Variants in OR13A1 observed in about 807,000 individuals in gnomAD.
OR13A1 encodes the protein olfactory receptor family 13 subfamily A member 1, also known as olfactory receptor 13A1.
In OR13A1, 10 loss-of-function variants were observed where a neutral mutation model predicts 7.5. That is an observed-to-expected ratio of 1.34 (90% CI 0.83 to 2.27). The LOEUF (loss-of-function observed/expected upper bound fraction) is 2.27, where lower values mean the gene tolerates loss of function less well. OR13A1 is among the 30% of genes most tolerant of loss of function. OR13A1 has a pLI of 0.00. For missense variants in OR13A1, 509 were observed against 419.1 expected (o/e 1.21, Z -1.87); for synonymous variants, 238 against 177.9 (o/e 1.34, Z -2.69).
In OR13A1 at chr10:45,303,606, C is replaced by T. The variant is rs182157087; in HGVS notation, c.817G>A (p.Val273Ile). The T allele has an allele frequency of 3.1e-6, 5 of 1,613,712 alleles. No individual in the cohort carries two copies. The East Asian group carries it at 6.7e-5, about 22-fold the overall frequency. The change falls in exon 4 of 4, where the codon GTC becomes ATC. Residue 273 changes from valine (V) to isoleucine (I), a missense_variant. Coordinates refer to ENST00000553795, the MANE Select transcript of OR13A1 (RefSeq NM_001004297.3). ...ACCGGGCTTATGTAGGCGTAGAAGA[C>T]AGCGGTGTAATACATGCACACCACG... ...LTVVCMYYTA[V>I]FYAYISPVSG...
rs200530280 is a variant in OR13A1, at chr10:45,304,338, C to T, written c.85G>A (p.Glu29Lys). ...RMMSNQTLVT[E>K]FILQGFSEHP... ...TCCGAAAAGCCCTGCAGGATGAACT[C>T]GGTTACCAACGTCTGGTTACTCATC... The change falls in exon 4 of 4, where the codon GAG (glutamate) becomes AAG (lysine). Residue 29 changes from glutamate (E) to lysine (K), a missense_variant. Physicochemically the swap from Glu to Lys is moderately conservative, Grantham distance 56 (BLOSUM62 1). Transcript: ENST00000553795. The T allele has an allele frequency of 1.4e-5, 22 of 1,614,016 alleles. No individual in the cohort carries two copies. In the Admixed American group the frequency reaches 3.3e-4, roughly 24 times the overall value.
At chr10:45,310,541 T>A (rs1424871013) in intron 1 of OR13A1, among the ~76,000 whole-genome samples, 1 of 152,222 alleles carries the variant, frequency 6.6e-6, no homozygotes, top group African/African-American at 2.4e-5. Context: ...AAAAGTTTAG[T>A]TACATTGCTT....
intron 1 of OR13A1, among the ~76,000 whole-genome samples, chr10:45,311,572 A>G (rs1337216430): frequency 2.0e-5 from 3 of 152,204 alleles, no homozygotes; most frequent in African/African-American, 7.2e-5. Flanking sequence ...GAATATGGCC[A>G]TAGTGAGAAA....
intron 3 of OR13A1, among the ~76,000 whole-genome samples, chr10:45,305,162 G>A (rs1009843208): frequency 3.3e-5 from 5 of 152,050 alleles, no homozygotes; most frequent in African/African-American, 9.7e-5. Flanking sequence ...TTGAACCTGG[G>A]AGGCAAGGTT....
In OR13A1 at chr10:45,311,495, C is replaced by T. The variant is rs551532849; in HGVS notation, c.-224-3687G>A. 4.4e-4 allele frequency among the ~76,000 whole-genome samples: 67 copies of T among 152,074 alleles called. 1 individual carries two copies. In the South Asian group the frequency reaches 5.2e-3, roughly 12 times the overall value. Reference sequence around the variant, plus strand: ...TATTTTCTTTTAGGTATCCATATTGCGACAGGGTCTTGATATAATATCCAT... The same window carrying T: ...TATTTTCTTTTAGGTATCCATATTGTGACAGGGTCTTGATATAATATCCAT... On this transcript the variant is annotated intron_variant, in intron 1 of 3. Transcript: ENST00000553795.
At chr10:45,310,421 C>T (rs1345169741) in intron 1 of OR13A1, among the ~76,000 whole-genome samples, 1 of 152,164 alleles carries the variant, frequency 6.6e-6, no homozygotes, top group Non-Finnish European at 1.5e-5. Flanking sequence ...GCCATAACCT[C>T]TACATTTTAG....
At chr10:45,308,857 G>A (rs1387748244) in intron 1 of OR13A1, 31 of 152,164 alleles carry the variant, frequency 2.0e-4, no homozygotes, top group Admixed American at 2.0e-3. Context: ...GGACTGTTCA[G>A]GACTGAACAA....
chr10:45,315,162 C>T (rs1246050727), intron 1 of OR13A1, among the ~76,000 whole-genome samples: 1 of 151,952 alleles, frequency 6.6e-6, no homozygotes, highest in African/African-American at 2.4e-5. Flanking sequence ...AATGATAGAA[C>T]ATGTGGCAGG....
chr10:45,314,143 A>C (rs568765485), intron 1 of OR13A1, among the ~76,000 whole-genome samples: 17 of 152,290 alleles, frequency 1.1e-4, no homozygotes, highest in African/African-American at 3.8e-4. Flanking sequence ...ATTAAACAAC[A>C]CAGTTTTCAA....
At chr10:45,311,424 A>T (rs531464171) in intron 1 of OR13A1, among the ~76,000 whole-genome samples, 1 of 152,324 alleles carries the variant, frequency 6.6e-6, no homozygotes, top group East Asian at 1.9e-4. Context: ...CTTGAGAAAC[A>T]AGCAAAAGAG....
chr10:45,305,143 G>C (rs1007597410), intron 3 of OR13A1, among the ~76,000 whole-genome samples: 1 of 152,026 alleles, frequency 6.6e-6, no homozygotes, highest in East Asian at 1.9e-4. Flanking sequence ...GCTGAGGCAG[G>C]AGAATCGCTT....
rs370039639 is a variant in OR13A1, at chr10:45,310,499, G to T, written c.-224-2691C>A. Among the ~76,000 whole-genome samples, 15 of 152,282 alleles carry T rather than the reference G, an allele frequency of 9.9e-5. 2 individuals are homozygous for T. The highest frequency in any genetic ancestry group is 5.8e-4 in the East Asian group (3 of 5,192). ...ATTTTAAGCAAGTGAGGCAGATATTGTGCACATAACTTCTGCTCATATTTT... is the reference window on the plus strand; with the variant it reads ...ATTTTAAGCAAGTGAGGCAGATATTTTGCACATAACTTCTGCTCATATTTT... On this transcript the variant is annotated intron_variant, in intron 1 of 3. Coordinates refer to ENST00000553795, the MANE Select transcript of OR13A1 (RefSeq NM_001004297.3).
rs1426161638 is a variant in OR13A1 at position 45,306,321 on chromosome 10, C to A, written c.-13+1105G>T. On this transcript the variant is annotated intron_variant, in intron 3 of 3. Transcript: ENST00000553795. ...TACAAAAATTAGCCGGGCGTGGTGGCGGGCGCCTGTAGTCCTAGCTACTCT... is the reference window on the plus strand; with the variant it reads ...TACAAAAATTAGCCGGGCGTGGTGGAGGGCGCCTGTAGTCCTAGCTACTCT... Among the ~76,000 whole-genome samples, 3 of 151,924 alleles carry A rather than the reference C, an allele frequency of 2.0e-5. No individual in the cohort carries two copies. In the East Asian group the frequency reaches 5.8e-4, roughly 30 times the overall value.
intron 1 of OR13A1, among the ~76,000 whole-genome samples, chr10:45,314,500 A>G (rs969318392): frequency 4.3e-4 from 65 of 151,912 alleles, no homozygotes; most frequent in African/African-American, 1.4e-3. Flanking sequence ...TTTATACCTC[A>G]GGAAACTAGG....
In OR13A1 at chr10:45,304,215, T is replaced by A. The variant is rs202034642; in HGVS notation, c.208A>T (p.Asn70Tyr). ...NVLITLAITF[N>Y]PGLHAPMYFF... ...TACATAGGAGCGTGGAGCCCAGGGT[T>A]GAACGTGATGGCCAAGGTGATGAGG... Residue 70 changes from asparagine (N) to tyrosine (Y), a missense_variant, in exon 4 of 4, where the codon AAC (asparagine) becomes TAC (tyrosine). Transcript: ENST00000553795. 6.8e-6 allele frequency: 11 copies of A among 1,614,160 alleles called. No individual in the cohort carries two copies. Among genetic ancestry groups the A allele is most frequent in the Middle Eastern group, 1.6e-4 (1 of 6,062 alleles).
At position 45,305,975 on chromosome 10, in the gene OR13A1, C is replaced by A. The variant is rs80041083; in HGVS notation, c.-13+1451G>T. On this transcript the variant is annotated intron_variant, in intron 3 of 3. Transcript: ENST00000553795. Reference sequence around the variant, plus strand: ...CTGGACATCCCTTCTTGGCACCCAGCCCCCTGCCTAGCAGGCAGTGTGTAG... The same window carrying A: ...CTGGACATCCCTTCTTGGCACCCAGACCCCTGCCTAGCAGGCAGTGTGTAG... Among the ~76,000 whole-genome samples, 457 of 152,314 alleles carry A rather than the reference C, an allele frequency of 3.0e-3. 2 individuals carry two copies. The highest frequency in any genetic ancestry group is 0.01 in the African/African-American group (428 of 41,566).
intron 1 of OR13A1, among the ~76,000 whole-genome samples, chr10:45,310,792 G>T: frequency 6.6e-6 from 1 of 152,072 alleles, no homozygotes; most frequent in Admixed American, 6.5e-5. Flanking sequence ...GAAAGAGGGC[G>T]GAAGTGAAAA....
At chr10:45,312,100 G>T (rs1838457671) in intron 1 of OR13A1, among the ~76,000 whole-genome samples, 1 of 152,196 alleles carries the variant, frequency 6.6e-6, no homozygotes, top group Non-Finnish European at 1.5e-5. Context: ...AGAACTGTAA[G>T]TGAGCTGTAA....
chr10:45,312,685 T>G (rs1461924809), intron 1 of OR13A1, among the ~76,000 whole-genome samples: 1 of 151,994 alleles, frequency 6.6e-6, no homozygotes, highest in Admixed American at 6.5e-5. Flanking sequence ...GAAAGTAACT[T>G]GTCATGTAAA....
Sources: allele counts gnomAD v4.1 joint callset (sites outside exome capture counted in the v4.1 genomes callset), GRCh38; gene constraint gnomAD v4.1.1; transcripts MANE v1.5; gene names NCBI Gene and HGNC (gene_info 2026-07-23, HGNC 2026-07-21).